ACAD10: variants seen among roughly 807,000 people sequenced by gnomAD.
The protein encoded by ACAD10 is ACAD-10.
A neutral mutation model predicts 116.8 loss-of-function variants in ACAD10; 112 were observed. The observed-to-expected ratio is 0.96, with a 90% CI of 0.82 to 1.12. The LOEUF is 1.12. ACAD10 is among the 50% of genes most tolerant of loss of function. The pLI is 0.00. For missense variants in ACAD10, 1,259 were observed against 1,350.2 expected, an observed-to-expected ratio of 0.93 and a Z score of 1.06; for synonymous variants, 486 against 510.6, an observed-to-expected ratio of 0.95 and a Z score of 0.65.
Position 111,731,466 on chromosome 12 carries a change from C to T in ACAD10, c.1394+1510C>T, listed in dbSNP as rs1429488698. 2.0e-5 allele frequency among the ~76,000 whole-genome samples: 3 copies of T among 152,328 alleles called. No individual in the cohort carries two copies. In the East Asian group the frequency reaches 5.8e-4, roughly 29 times the overall value. On this transcript the variant is annotated intron_variant, in intron 10 of 20. Transcript: ENST00000313698. ...GGAAGACCTCAGGTGGCCTTTGTGT[C>T]ACCAGCCCACAACAGCTGCTCCGTG...
intron 7 of ACAD10, among the ~76,000 whole-genome samples, chr12:111,720,218 A>G (rs1693813347): frequency 6.6e-6 from 1 of 152,184 alleles, no homozygotes; most frequent in African/African-American, 2.4e-5. Flanking sequence ...CCAGCACATG[A>G]CTTATCTTGG....
Position 111,744,997 on chromosome 12 carries a change from C to T in ACAD10, c.2069C>T (p.Ala690Val). 1 of 1,614,032 alleles carries T rather than the reference C, an allele frequency of 6.2e-7. No individual in the cohort carries two copies. Among genetic ancestry groups the T allele is most frequent in the South Asian group, 1.1e-5 (1 of 91,080 alleles). The change falls in exon 13 of 21, where the codon GCC becomes GTC. Residue 690 changes from alanine (A) to valine (V), a missense_variant. By Grantham distance (64) the Ala-to-Val change is moderately conservative. Transcript: ENST00000313698. Reference protein sequence around the residue: ...PAEPELQSHQASAARWSPSPL... With the variant: ...PAEPELQSHQVSAARWSPSPL... ...GAGCCAGAGCTGCAGAGTCACCAGG[C>T]CTCAGCAGCCAGGTGGAGCCCCTCC...
At chr12:111,725,112 GTA>G (rs981336033) in intron 8 of ACAD10, among the ~76,000 whole-genome samples, 53 of 152,086 alleles carry the variant, frequency 3.5e-4, no homozygotes, top group African/African-American at 1.1e-3. Context: ...TTTATTTTCT[GTA>G]TATGTGTGTG....
In ACAD10 at chr12:111,713,761, AC is replaced by A. The variant is rs555146446; in HGVS notation, c.850+1108del. ...AGGTCAGCCTGGCCAACATGGCAAAACCCCATCTCTACTAAAAATATAAAAA... is the reference window on the plus strand; with the variant it reads ...AGGTCAGCCTGGCCAACATGGCAAAACCCATCTCTACTAAAAATATAAAAA... On this transcript the variant is annotated intron_variant, in intron 6 of 20. Transcript: ENST00000313698. Among the ~76,000 whole-genome samples the A allele has an allele frequency of 3.4e-3, 512 of 152,126 alleles. 1 individual carries two copies. Among genetic ancestry groups the A allele is most frequent in the African/African-American group, 0.012 (490 of 41,508 alleles).
At chr12:111,709,778 C>CT in intron 5 of ACAD10, 94 bp downstream of exon 5, 1 of 1,319,514 alleles carries the variant, frequency 7.6e-7, no homozygotes. Context: ...TCTAGCTTTC[C>CT]TTAGGGTTTC....
intron 11 of ACAD10, 88 bp downstream of exon 11, chr12:111,734,156 G>C: frequency 6.3e-7 from 1 of 1,577,716 alleles, no homozygotes; most frequent in Non-Finnish European, 8.6e-7. Flanking sequence ...TCCGTGATTG[G>C]GCGGGGGAAG....
intron 5 of ACAD10, among the ~76,000 whole-genome samples, chr12:111,710,595 A>G (rs1888648771): frequency 6.6e-6 from 1 of 151,854 alleles, no homozygotes; most frequent in Admixed American, 6.6e-5. Context: ...CCCTGGTTCA[A>G]GCAATTCTCG....
At position 111,689,223 on chromosome 12, in the gene ACAD10, CAT is replaced by C. The variant is rs543397204; in HGVS notation, c.-14+2987_-14+2988del. On this transcript the variant is annotated intron_variant, in intron 1 of 20. Coordinates refer to ENST00000313698, the MANE Select transcript of ACAD10 (RefSeq NM_025247.6). Reference sequence around the variant, plus strand: ...TATATATTTAATATATATATCAAATCATATCCATATCAAAATATATAAATATA... The same window carrying C: ...TATATATTTAATATATATATCAAATCATCCATATCAAAATATATAAATATA... Among the ~76,000 whole-genome samples, 205 of 151,588 alleles carry C rather than the reference CAT, an allele frequency of 1.4e-3. 1 individual carries two copies. Among genetic ancestry groups the C allele is most frequent in the African/African-American group, 4.8e-3 (198 of 41,334 alleles).
chr12:111,716,200 A>AC (rs926869484), intron 7 of ACAD10, among the ~76,000 whole-genome samples: 2 of 150,768 alleles, frequency 1.3e-5, no homozygotes, highest in African/African-American at 4.9e-5. Context: ...CCCTGTTTCT[A>AC]CCCCCCATCC....
chr12:111,719,644 C>T (rs1888958159), intron 7 of ACAD10, among the ~76,000 whole-genome samples: 1 of 152,118 alleles, frequency 6.6e-6, no homozygotes, highest in Non-Finnish European at 1.5e-5. Flanking sequence ...CCTCCGCCTC[C>T]TGGGTTCAAG....
At chr12:111,733,038 G>A (rs942293231) in intron 10 of ACAD10, among the ~76,000 whole-genome samples, 2 of 152,174 alleles carry the variant, frequency 1.3e-5, no homozygotes, top group Non-Finnish European at 2.9e-5. Flanking sequence ...CTCTCTTTCT[G>A]TCTCTTTGTG....
Position 111,733,912 on chromosome 12 carries a change from C to A in ACAD10, c.1395-11C>A, listed in dbSNP as rs760980849. 1.2e-6 allele frequency: 2 copies of A among 1,613,972 alleles called. No individual in the cohort carries two copies. Among genetic ancestry groups the A allele is most frequent in the Admixed American group, 1.7e-5 (1 of 60,006 alleles). ...CTTAGTGCTGTCTCTATTCCTCCTG[C>A]GACTTTTCAGGCTCGACAACCTGGT... On this transcript the variant is annotated splice_polypyrimidine_tract_variant and intron_variant, in intron 10 of 20. Transcript: ENST00000313698.
intron 6 of ACAD10, among the ~76,000 whole-genome samples, chr12:111,713,751 A>C (rs557555858): frequency 6.6e-6 from 1 of 152,294 alleles, no homozygotes; most frequent in Non-Finnish European, 1.5e-5. Context: ...AGCCTGGCCA[A>C]CATGGCAAAA....
chr12:111,753,592 G>C (rs1212507578), intron 18 of ACAD10, 180 bp from the exon 19 acceptor site: 1 of 809,478 alleles, frequency 1.2e-6, no homozygotes, highest in Admixed American at 2.0e-5. Context: ...CCTACTCCCT[G>C]GACATGGCGC....
intron 18 of ACAD10, chr12:111,753,400 C>T (rs560646114): frequency 2.3e-6 from 1 of 437,064 alleles, no homozygotes; most frequent in East Asian, 6.2e-5. Context: ...CCTGCAGTCA[C>T]TCCCTCATTC....
intron 8 of ACAD10, among the ~76,000 whole-genome samples, chr12:111,724,254 G>A (rs1370749402): frequency 2.0e-5 from 3 of 151,184 alleles, no homozygotes; most frequent in African/African-American, 7.3e-5. Context: ...GATGGCGGCC[G>A]GGAAGAGGTG....
Position 111,736,875 on chromosome 12 carries a change from G to T in ACAD10, c.1585G>T (p.Glu529Ter). ...DLTQLGIPAA[E>*]EYFRMYCLQM... ...GACACAGCTGGGAATCCCTGCTGCA[G>T]AGGAGTATTTCAGGATGTACTGTCT... Residue 529 changes from glutamate to a stop codon, truncating the protein, a stop_gained, in exon 12 of 21, where the codon GAG becomes TAG. Coordinates refer to ENST00000313698, the MANE Select transcript of ACAD10 (RefSeq NM_025247.6). LOFTEE classifies it high-confidence loss of function. 6.2e-7 allele frequency: 1 copy of T among 1,614,204 alleles called. No individual in the cohort carries two copies. The highest frequency in any genetic ancestry group is 8.5e-7 in the Non-Finnish European group (1 of 1,180,022).
intron 14 of ACAD10, 89 bp downstream of exon 14, chr12:111,746,373 C>A (rs1889900092): frequency 1.4e-6 from 2 of 1,402,770 alleles, no homozygotes; most frequent in Non-Finnish European, 1.9e-6. Context: ...GATTCAGAAG[C>A]ACTGGCATGA....
Position 111,744,662 on chromosome 12 carries a change from T to G in ACAD10, c.1734T>G (p.Tyr578Ter), listed in dbSNP as rs939575787. ...GCTTAGGGCAAGCAAGCTCCACATATGCGGAACAAACTGGAAAGCTGACCG... is the reference window on the plus strand; with the variant it reads ...GCTTAGGGCAAGCAAGCTCCACATAGGCGGAACAAACTGGAAAGCTGACCG... ...RSLTGQASST[Y>*]AEQTGKLTEF... Residue 578 changes from tyrosine to a stop codon, truncating the protein, a stop_gained, in exon 13 of 21, where the codon TAT becomes TAG. Transcript: ENST00000313698. LOFTEE classifies it high-confidence loss of function. 1 of 1,613,952 alleles carries G rather than the reference T, an allele frequency of 6.2e-7. No individual in the cohort carries two copies. The highest frequency in any genetic ancestry group is 1.1e-5 in the South Asian group (1 of 91,048).
Sources: gnomAD v4.1 joint callset for allele counts (sites outside exome capture counted in the v4.1 genomes callset) on GRCh38, gnomAD v4.1.1 for gene constraint, MANE v1.5 for transcripts, NCBI Gene and HGNC (gene_info 2026-07-23, HGNC 2026-07-21) for gene names.